Variants in SLFN12 observed in about 807,000 individuals in gnomAD.
SLFN12 encodes the protein schlafen family member 12, also known as ribonuclease SLFN12.
Under a neutral mutation model 29.1 loss-of-function variants are expected in SLFN12, and 25 were observed. The ratio of observed to expected loss-of-function variants is 0.86; its 90% confidence interval spans 0.63 to 1.20. The LOEUF (loss-of-function observed/expected upper bound fraction) is 1.20. Among genes scored for constraint, SLFN12 ranks in the 50% most tolerant of loss-of-function variants. The probability of loss-of-function intolerance (pLI) is 0.00; values close to 1 mark genes in which losing one functional copy is unlikely to be tolerated. For synonymous variants in SLFN12, 257 were observed against 238.7 expected, an observed-to-expected ratio of 1.08 and a Z score of -0.71; for missense variants, 660 against 666.2, an observed-to-expected ratio of 0.99 and a Z score of 0.10.
chr17:35,421,867 C>A, intron 2 of SLFN12, 123 bp downstream of exon 2: 1 of 1,299,274 alleles, frequency 7.7e-7, no homozygotes, highest in Non-Finnish European at 1.0e-6. Context: ...ATTGTATCCA[C>A]CAGGGATTAA....
At chr17:35,413,545 C>T (rs1911153794) in intron 3 of SLFN12, among the ~76,000 whole-genome samples, 1 of 151,886 alleles carries the variant, frequency 6.6e-6, no homozygotes, top group Non-Finnish European at 1.5e-5. Context: ...GTCAGGGGTG[C>T]AAGACCAACC....
chr17:35,424,103 A>G (rs1911861701), intron 1 of SLFN12, among the ~76,000 whole-genome samples: 1 of 152,150 alleles, frequency 6.6e-6, no homozygotes, highest in African/African-American at 2.4e-5. Flanking sequence ...TTCCCTTAAA[A>G]TCTATTAGGA....
intron 1 of SLFN12, among the ~76,000 whole-genome samples, chr17:35,428,680 G>T (rs536958387): frequency 6.6e-6 from 1 of 152,088 alleles, no homozygotes; most frequent in African/African-American, 2.4e-5. Flanking sequence ...CCTAAGTGGG[G>T]AGGACCTGAC....
chr17:35,432,123 T>G (rs1229915047), intron 1 of SLFN12, 65 bp downstream of exon 1: 3 of 151,722 alleles, frequency 2.0e-5, no homozygotes, highest in Non-Finnish European at 4.4e-5. Context: ...AAGAGAGAGA[T>G]TTACCTGTAT....
At chr17:35,431,593 G>A (rs1912318757) in intron 1 of SLFN12, among the ~76,000 whole-genome samples, 1 of 152,118 alleles carries the variant, frequency 6.6e-6, no homozygotes, top group Admixed American at 6.5e-5. Context: ...TCCAATCTTA[G>A]AGCGTCAGAC....
chr17:35,423,309 C>T (rs182019958), intron 1 of SLFN12, among the ~76,000 whole-genome samples: 16 of 152,048 alleles, frequency 1.1e-4, no homozygotes, highest in Admixed American at 5.9e-4. Context: ...TCTCTTTATC[C>T]GCCTTTTTTC....
In SLFN12 at chr17:35,416,032, T is replaced by C. The variant is rs149160334; in HGVS notation, c.1148-4105A>G. ...TATCTACTGAGAGGAAAATAAGTCA[T>C]TACATGAGAAAGATGTTTGCACACA... On this transcript the variant is annotated intron_variant, in intron 3 of 3. Coordinates refer to ENST00000304905, the MANE Select transcript of SLFN12 (RefSeq NM_018042.5). Among the ~76,000 whole-genome samples, 886 of 152,238 alleles carry C rather than the reference T, an allele frequency of 5.8e-3. 7 individuals carry two copies. Among genetic ancestry groups the C allele is most frequent in the African/African-American group, 0.02 (816 of 41,558 alleles).
chr17:35,422,526 C>G lies in SLFN12; in HGVS notation c.503G>C (p.Cys168Ser). 6.2e-7 allele frequency: 1 copy of G among 1,614,022 alleles called. No homozygotes were observed. The highest frequency in any genetic ancestry group is 8.5e-7 in the Non-Finnish European group (1 of 1,179,998). ...GTTATTTTCTTCTTGTATATCAACA[C>G]AGGGCCTCTTTGCCAGCAATTCTGG... is the stretch of plus-strand genomic sequence containing the variant. ...LRPELLAKRP[C>S]VDIQEENNMK... is the part of the protein sequence containing the mutation. The change falls in exon 2 of 4, where the codon TGT (cysteine) becomes TCT (serine). Residue 168 changes from cysteine to serine, a missense_variant. By Grantham distance (112) the Cys-to-Ser change is moderately radical. Coordinates refer to ENST00000304905, the MANE Select transcript of SLFN12 (RefSeq NM_018042.5).
intron 1 of SLFN12, among the ~76,000 whole-genome samples, chr17:35,426,462 T>C (rs1912027493): frequency 6.6e-6 from 1 of 152,138 alleles, no homozygotes; most frequent in Non-Finnish European, 1.5e-5. Context: ...CATGTTGAGT[T>C]GATTTTTGTA....
At chr17:35,430,048 CT>C (rs1912223889) in intron 1 of SLFN12, among the ~76,000 whole-genome samples, 1 of 151,920 alleles carries the variant, frequency 6.6e-6, no homozygotes, top group Non-Finnish European at 1.5e-5. Flanking sequence ...CCCCACAGCT[CT>C]TTAAATTTTC....
At position 35,411,185 on chromosome 17, in the gene SLFN12, T is replaced by C; in HGVS notation, c.*153A>G. 3.5e-6 allele frequency: 2 copies of C among 569,136 alleles called. No homozygotes were observed. Among genetic ancestry groups the C allele is most frequent in the South Asian group, 2.5e-5 (1 of 39,880 alleles). The allele number at this position is 569,136 out of a possible 1,614,324, so 35.3% of individuals were successfully genotyped here. ...CCTCAAACAATATCTGTGAAGATTA[T>C]TTAGGGAGAAGTGAAAATAGACAAA... On this transcript the variant is annotated 3_prime_UTR_variant, in exon 4 of 4. Coordinates refer to ENST00000304905, the MANE Select transcript of SLFN12 (RefSeq NM_018042.5).
chr17:35,414,307 T>G (rs1438992191), intron 3 of SLFN12, among the ~76,000 whole-genome samples: 1 of 152,068 alleles, frequency 6.6e-6, no homozygotes, highest in Non-Finnish European at 1.5e-5. Context: ...TCAGTAGCAT[T>G]TCCATACACT....
rs1420923832 is a variant in SLFN12, at chr17:35,422,287, T to C, written c.742A>G (p.Ile248Val). The part of the protein sequence containing the change: ...FIGLNEDKEI[I>V]GFKAEMSDLD... ...TCACTCATCTCTGCTTTAAAGCCAA[T>C]TATTTCTTTATCTTCATTTAAACCA... is the stretch of plus-strand genomic sequence containing the variant. The change falls in exon 2 of 4, where the codon ATT (isoleucine) becomes GTT (valine). Residue 248 changes from isoleucine to valine, a missense_variant. Transcript: ENST00000304905. 5 of 1,613,880 alleles carry C rather than the reference T, an allele frequency of 3.1e-6. No homozygotes were observed. Among genetic ancestry groups the C allele is most frequent in the East Asian group, 4.5e-5 (2 of 44,886 alleles).
In SLFN12 at chr17:35,422,585, G is replaced by A. The variant is rs772612647; in HGVS notation, c.444C>T (p.Asp148=). ...ACAATCTCCCTCTAGTCTTTTTCAT[G>A]TCTTTGAGGAACTCCAGTGCAGCAG... ...NATAALEFLK[D]MKKTRGRLYL... The change falls in exon 2 of 4, where the codon GAC becomes GAT. Residue 148 remains aspartate (D), a synonymous_variant. Coordinates refer to ENST00000304905, the MANE Select transcript of SLFN12 (RefSeq NM_018042.5). 2 of 1,613,980 alleles carry A rather than the reference G, an allele frequency of 1.2e-6. No homozygotes were observed. Among genetic ancestry groups the A allele is most frequent in the Non-Finnish European group, 1.7e-6 (2 of 1,179,986 alleles).
intron 1 of SLFN12, among the ~76,000 whole-genome samples, chr17:35,424,175 T>C (rs966432029): frequency 3.3e-5 from 5 of 152,162 alleles, no homozygotes; most frequent in Non-Finnish European, 7.4e-5. Context: ...TTTAACTTTT[T>C]TTTAAGTGTA....
chr17:35,430,674 A>G (rs906804520), intron 1 of SLFN12: 2 of 152,112 alleles, frequency 1.3e-5, no homozygotes, highest in African/African-American at 4.8e-5. Context: ...GGAGGATAAT[A>G]CCAAGAGTTT....
At chr17:35,421,753 G>A (rs1249057139) in intron 2 of SLFN12, among the ~76,000 whole-genome samples, 4 of 151,806 alleles carry the variant, frequency 2.6e-5, no homozygotes, top group Admixed American at 1.3e-4. Flanking sequence ...CTTAGCCAGG[G>A]ATGGTCTCTA....
At chr17:35,430,804 A>G (rs1168816382) in intron 1 of SLFN12, among the ~76,000 whole-genome samples, 2 of 152,152 alleles carry the variant, frequency 1.3e-5, no homozygotes, top group Non-Finnish European at 2.9e-5. Context: ...TTAATCCCCT[A>G]CAACTGAATC....
At chr17:35,416,374 G>A (rs1911312744) in intron 3 of SLFN12, among the ~76,000 whole-genome samples, 1 of 152,042 alleles carries the variant, frequency 6.6e-6, no homozygotes, top group Non-Finnish European at 1.5e-5. Context: ...GGGAATGAGG[G>A]ATAGAAGACT....
Sources: allele counts gnomAD v4.1 joint callset (sites outside exome capture counted in the v4.1 genomes callset), GRCh38; gene constraint gnomAD v4.1.1; transcripts MANE v1.5; gene names NCBI Gene and HGNC (gene_info 2026-07-23, HGNC 2026-07-21).